Variants in SNTG1 observed in about 807,000 individuals in gnomAD.
SNTG1 encodes syntrophin gamma 1, also known as gamma-1-syntrophin.
A neutral mutation model predicts 74.7 loss-of-function variants in SNTG1; 39 were observed. That is an observed-to-expected ratio of 0.52 (90% CI 0.40 to 0.68). The LOEUF (loss-of-function observed/expected upper bound fraction) is 0.68, where lower values mean the gene tolerates loss of function less well. Among genes scored for constraint, SNTG1 ranks in the 30% least tolerant of loss-of-function variants. The pLI, the probability that SNTG1 is intolerant of heterozygous loss-of-function variation, is 0.00. For missense variants in SNTG1, 685 were observed against 609.5 expected (o/e 1.12, Z -1.30); for synonymous variants, 254 against 217.1 (o/e 1.17, Z -1.49).
intron 13 of SNTG1, among the ~76,000 whole-genome samples, chr8:50,637,471 A>G (rs924904149): frequency 6.6e-6 from 1 of 152,062 alleles, no homozygotes; most frequent in African/African-American, 2.4e-5. Context: ...ACTTTTAAGG[A>G]GCTTAAAATA....
chr8:50,720,506 A>G (rs1458535954), intron 17 of SNTG1, among the ~76,000 whole-genome samples: 1 of 152,184 alleles, frequency 6.6e-6, no homozygotes, highest in Non-Finnish European at 1.5e-5. Flanking sequence ...TCTACAGTCT[A>G]ATGAAAAGGA....
At chr8:50,183,677 C>G (rs188717762) in intron 2 of SNTG1, among the ~76,000 whole-genome samples, 200 of 152,264 alleles carry the variant, frequency 1.3e-3, no homozygotes, top group African/African-American at 4.5e-3. Context: ...TTTCTATCTG[C>G]TTCCCCAAGT....
intron 13 of SNTG1, among the ~76,000 whole-genome samples, chr8:50,623,315 T>C (rs1032341142): frequency 6.6e-6 from 1 of 152,148 alleles, no homozygotes; most frequent in Non-Finnish European, 1.5e-5. Flanking sequence ...TTGTTATACA[T>C]GGCCTTTGCT....
chr8:50,626,661 T>A (rs2094958380), intron 13 of SNTG1, among the ~76,000 whole-genome samples: 3 of 152,224 alleles, frequency 2.0e-5, no homozygotes, highest in Admixed American at 2.0e-4. Flanking sequence ...AAGGCACAGA[T>A]GGCTCATGCT....
At chr8:50,181,514 G>A (rs375869827) in intron 2 of SNTG1, among the ~76,000 whole-genome samples, 1 of 152,050 alleles carries the variant, frequency 6.6e-6, no homozygotes, top group Admixed American at 6.6e-5. Context: ...CTATTTCTGG[G>A]CTATACATTC....
intron 13 of SNTG1, among the ~76,000 whole-genome samples, chr8:50,644,737 G>A (rs1291010423): frequency 1.3e-5 from 2 of 152,084 alleles, no homozygotes; most frequent in African/African-American, 2.4e-5. Context: ...TGAGATACAT[G>A]TACCCTCCCT....
chr8:50,210,540 C>T (rs1378823139), intron 2 of SNTG1, among the ~76,000 whole-genome samples: 1 of 152,182 alleles, frequency 6.6e-6, no homozygotes, highest in African/African-American at 2.4e-5. Context: ...TCAGCAGAAA[C>T]TGTACAAGCC....
chr8:50,416,825 T>C (rs1477136183), intron 4 of SNTG1, among the ~76,000 whole-genome samples: 1 of 151,570 alleles, frequency 6.6e-6, no homozygotes, highest in African/African-American at 2.4e-5. Context: ...CTGAACTCTA[T>C]GTCATGGATC....
At position 50,656,841 on chromosome 8, in the gene SNTG1, A is replaced by T; in HGVS notation, c.850-68A>T. 6.1e-6 allele frequency: 6 copies of T among 987,924 alleles called. No homozygotes were observed. The South Asian group carries it at 8.7e-5, about 14-fold the overall frequency. The allele number at this position is 987,924 out of a possible 1,614,324, so 61.2% of individuals were successfully genotyped here. On this transcript the variant is annotated intron_variant, in intron 13 of 18. Coordinates refer to ENST00000642720, the MANE Select transcript of SNTG1 (RefSeq NM_018967.5). Reference sequence around the variant, plus strand: ...AAATATTTTTAATATTTGCATCTAAATATTTTTAGATATAAGATATCTAAA... The same window carrying T: ...AAATATTTTTAATATTTGCATCTAATTATTTTTAGATATAAGATATCTAAA...
intron 2 of SNTG1, among the ~76,000 whole-genome samples, chr8:50,376,756 T>TATATATAGAGAGAG (rs1381048539): frequency 9.9e-4 from 89 of 89,944 alleles, no homozygotes; most frequent in Middle Eastern, 7.5e-3. Context: ...TATATATATA[T>TATATATAGAGAGAG]AGAGAGAGAG....
At chr8:50,069,583 ATTTTTTTTTTTTTTTTTTTTTT>A (rs71235778) in intron 1 of SNTG1, among the ~76,000 whole-genome samples, 15 of 67,080 alleles carry the variant, frequency 2.2e-4, no homozygotes, top group African/African-American at 6.8e-4. Context: ...ATTGGGAGGA[ATTTTTTTTTTTTTTTTTTTTTT>A]TTTTTTTTTT....
chr8:50,432,558 T>G (rs976157962), intron 4 of SNTG1, among the ~76,000 whole-genome samples: 1 of 152,168 alleles, frequency 6.6e-6, no homozygotes, highest in Non-Finnish European at 1.5e-5. Context: ...AATAGCTTGC[T>G]GGGATTTTTA....
chr8:50,217,748 T>A (rs746441056), intron 2 of SNTG1, among the ~76,000 whole-genome samples: 8 of 152,152 alleles, frequency 5.3e-5, no homozygotes, highest in Non-Finnish European at 1.0e-4. Context: ...CCTACCATAT[T>A]TTCTAGTAGG....
intron 13 of SNTG1, among the ~76,000 whole-genome samples, chr8:50,645,041 C>G (rs1419908344): frequency 6.6e-6 from 1 of 151,878 alleles, no homozygotes; most frequent in Non-Finnish European, 1.5e-5. Context: ...AAGGCCTGAG[C>G]CACCCTGCCA....
intron 1 of SNTG1, among the ~76,000 whole-genome samples, chr8:50,046,257 C>A (rs555260576): frequency 6.6e-6 from 1 of 152,170 alleles, no homozygotes; most frequent in African/African-American, 2.4e-5. Context: ...CTGGAGTTTT[C>A]TGATCTCCAA....
intron 4 of SNTG1, among the ~76,000 whole-genome samples, chr8:50,427,759 T>C (rs1218314749): frequency 6.6e-6 from 1 of 151,772 alleles, no homozygotes; most frequent in African/African-American, 2.4e-5. Context: ...TTTAAAAATA[T>C]TCTCAGAACA....
chr8:49,922,361 A>G (rs2129344960), intron 1 of SNTG1, among the ~76,000 whole-genome samples: 1 of 152,264 alleles, frequency 6.6e-6, no homozygotes, highest in South Asian at 2.1e-4. Context: ...GCATTTCAGC[A>G]AATTACCTTT....
At chr8:50,079,969 A>C (rs1243045115) in intron 1 of SNTG1, among the ~76,000 whole-genome samples, 1 of 152,196 alleles carries the variant, frequency 6.6e-6, no homozygotes, top group Non-Finnish European at 1.5e-5. Flanking sequence ...TATAGTTTGA[A>C]GTCAGGTAGT....
intron 9 of SNTG1, among the ~76,000 whole-genome samples, chr8:50,522,132 A>G (rs1160799281): frequency 6.6e-6 from 1 of 152,212 alleles, no homozygotes; most frequent in Admixed American, 6.5e-5. Flanking sequence ...TTCTTAAATA[A>G]TATGACATGA....
Sources: allele counts gnomAD v4.1 joint callset (sites outside exome capture counted in the v4.1 genomes callset), GRCh38; gene constraint gnomAD v4.1.1; transcripts MANE v1.5; gene names NCBI Gene and HGNC (gene_info 2026-07-23, HGNC 2026-07-21).